The following PIK3CD variants were observed in gnomAD, a reference collection of about 807,000 sequenced individuals.
The protein encoded by PIK3CD is phosphatidylinositol-4,5-bisphosphate 3-kinase catalytic subunit delta.
A neutral mutation model predicts 122.9 loss-of-function variants in PIK3CD; 20 were observed. The observed-to-expected ratio is 0.16, with a 90% CI of 0.11 to 0.24. The LOEUF (loss-of-function observed/expected upper bound fraction) is 0.24, where lower values mean the gene tolerates loss of function less well. Ranked by LOEUF, PIK3CD falls within the 10% of genes least tolerant of loss-of-function variation. PIK3CD has a pLI of 1.00. For synonymous variants in PIK3CD, 596 were observed against 593.4 expected (o/e 1.00, Z -0.06); for missense variants, 787 against 1,406.3 (o/e 0.56, Z 7.04).
At chr1:9,632,357 A>G in the PIK3CD span, among the ~76,000 whole-genome samples, 2 of 151,976 alleles carry the variant, frequency 1.3e-5, no homozygotes, top group Non-Finnish European at 2.9e-5. Flanking sequence ...CTATGTTGCC[A>G]GGTTGGAGTG....
chr1:9,707,757 A>G (rs546540792), intron 2 of PIK3CD, among the ~76,000 whole-genome samples: 132 of 151,598 alleles, frequency 8.7e-4, no homozygotes, highest in African/African-American at 3.1e-3. Flanking sequence ...AACTAAAGCC[A>G]TGTGTGTATT....
chr1:9,642,573 C>T, the PIK3CD span, among the ~76,000 whole-genome samples: 12 of 150,976 alleles, frequency 7.9e-5, no homozygotes, highest in Admixed American at 4.0e-4. Flanking sequence ...AAAAATTAGC[C>T]GGGCGCAGTG....
chr1:9,657,957 G>A (rs2100778621), intron 1 of PIK3CD, among the ~76,000 whole-genome samples: 1 of 152,068 alleles, frequency 6.6e-6, no homozygotes, highest in South Asian at 2.1e-4. Context: ...AGGGCTCTCT[G>A]GAAGGGCTGG....
chr1:9,717,431 C>G lies in PIK3CD; in HGVS notation c.931-106C>G, dbSNP rs2100876016. On this transcript the variant is annotated intron_variant, in intron 7 of 23. Coordinates refer to ENST00000377346, the MANE Select transcript of PIK3CD (RefSeq NM_005026.5). This position sits in a 1 kb window ranked among gnomAD's most constrained non-coding sequence, Gnocchi z 5.4. ...GACAGGCCCAAACCTGGCCGCAAAC[C>G]TGTGACCCTCTCACCCGCCCCCAAG... 1 of 1,135,598 alleles carries G rather than the reference C, an allele frequency of 8.8e-7. No individual in the cohort carries two copies. Among genetic ancestry groups the G allele is most frequent in the Admixed American group, 1.7e-5 (1 of 57,638 alleles). 70.3% of individuals were successfully genotyped at this position (1,135,598 alleles called of 1,614,324 possible). A position where few individuals can be genotyped will look rare whatever the true frequency, so the allele number is the denominator to read the frequency against.
At position 9,718,864 on chromosome 1, in the gene PIK3CD, G is replaced by A. The variant is rs750726756; in HGVS notation, c.1191G>A (p.Val397=). The change falls in exon 9 of 24, where the codon GTG becomes GTA. Residue 397 remains valine (V), a synonymous_variant. Transcript: ENST00000377346. The surrounding 1 kb of genome is among the most constrained non-coding windows in gnomAD (Gnocchi z 7.2). ...MARLCFALYA[V]IEKAKKARST... ...GTCTCTGCTTTGCGCTGTACGCCGT[G>A]ATCGAGAAAGCCAAGAAGGCTCGCT... 6.2e-7 allele frequency: 1 copy of A among 1,613,160 alleles called. No individual in the cohort carries two copies. The highest frequency in any genetic ancestry group is 1.1e-5 in the South Asian group (1 of 91,082).
chr1:9,716,537 T>C lies in PIK3CD; in HGVS notation c.698T>C (p.Val233Ala), dbSNP rs1421176893. 6.2e-7 allele frequency: 1 copy of C among 1,609,122 alleles called. No individual in the cohort carries two copies. The highest frequency in any genetic ancestry group is 2.2e-5 in the East Asian group (1 of 44,780). ...GCCACAGTGTTCCGGCAGCCGCTGG[T>C]GGAGCAGCCGGAAGACTACACGCTG... ...KKATVFRQPL[V>A]EQPEDYTLQV... The change falls in exon 6 of 24, where the codon GTG (valine) becomes GCG (alanine). Residue 233 changes from valine to alanine, a missense_variant. Around this residue, in one of 6 missense-constraint regions of PIK3CD, gnomAD observed 592 missense variants for 920.6 expected, o/e 0.64. Transcript: ENST00000377346.
At chr1:9,678,447 C>T (rs1480993087) in intron 1 of PIK3CD, among the ~76,000 whole-genome samples, 2 of 152,110 alleles carry the variant, frequency 1.3e-5, no homozygotes, top group Non-Finnish European at 1.5e-5. Flanking sequence ...GAGCCAGACC[C>T]TGTCTCCAAA....
chr1:9,695,285 A>T (rs1335364242), intron 2 of PIK3CD, among the ~76,000 whole-genome samples: 1 of 152,084 alleles, frequency 6.6e-6, no homozygotes, highest in Non-Finnish European at 1.5e-5. Flanking sequence ...TGCACCACAT[A>T]GGAGCTCAAG....
Position 9,716,962 on chromosome 1 carries a change from A to C in PIK3CD, c.784A>C (p.Ile262Leu). The change falls in exon 7 of 24, where the codon ATC (isoleucine) becomes CTC (leucine). Residue 262 changes from isoleucine (I) to leucine (L), a missense_variant. Physicochemically the swap from Ile to Leu is conservative, Grantham distance 5 (BLOSUM62 2). Transcript: ENST00000377346. The stretch of plus-strand genomic sequence containing the variant: ...CTCACCCTGCACCCCGTCTCAGTAC[A>C]TCTGCAGCTGCCTGCACAGTGGGTT... ...GSYPLCQFQY[I>L]CSCLHSGLTP... 1 of 1,613,748 alleles carries C rather than the reference A, an allele frequency of 6.2e-7. No individual in the cohort carries two copies. Among genetic ancestry groups the C allele is most frequent in the Non-Finnish European group, 8.5e-7 (1 of 1,179,992 alleles).
chr1:9,653,496 T>C (rs1644741942), intron 1 of PIK3CD: 1 of 255,228 alleles, frequency 3.9e-6, no homozygotes, highest in African/African-American at 2.2e-5. Flanking sequence ...TGCCGTTGCT[T>C]GCGGGGGAAG....
At chr1:9,687,829 C>A (rs1557624947) in intron 1 of PIK3CD, among the ~76,000 whole-genome samples, 1 of 152,206 alleles carries the variant, frequency 6.6e-6, no homozygotes, top group African/African-American at 2.4e-5. Context: ...TGTGTGACTT[C>A]TAGGGACGGC....
the PIK3CD span, among the ~76,000 whole-genome samples, chr1:9,645,309 G>A: frequency 2.0e-5 from 3 of 151,992 alleles, no homozygotes; most frequent in South Asian, 4.2e-4. Context: ...GTGAGCCACC[G>A]CTTGCCCAGC....
chr1:9,657,562 T>C (rs7538174), intron 1 of PIK3CD, among the ~76,000 whole-genome samples: 47,331 of 151,586 alleles, frequency 0.31, 8,838 homozygotes, highest in East Asian at 0.68. Flanking sequence ...AGTCCCCACC[T>C]CACCCCCAAC....
intron 23 of PIK3CD, among the ~76,000 whole-genome samples, chr1:9,725,729 TAGTC>T (rs1416243642): frequency 1.3e-5 from 2 of 149,530 alleles, no homozygotes; most frequent in Admixed American, 6.7e-5. Context: ...ATACAAAAAT[TAGTC>T]AGGTGTGGTG....
intron 2 of PIK3CD, among the ~76,000 whole-genome samples, chr1:9,696,523 A>G (rs1422678272): frequency 6.6e-6 from 1 of 151,880 alleles, no homozygotes; most frequent in African/African-American, 2.4e-5. Flanking sequence ...AAGCTGAAGC[A>G]GGAGAATTGC....
At chr1:9,650,621 C>CA (rs549397983), upstream of PIK3CD, among the ~76,000 whole-genome samples, 86 of 141,520 alleles carry the variant, frequency 6.1e-4, no homozygotes, top group South Asian at 2.0e-3. Context: ...AAGACTGTCT[C>CA]AAAAAAAAGA....
chr1:9,678,865 G>T (rs763035812), intron 1 of PIK3CD, among the ~76,000 whole-genome samples: 2 of 152,124 alleles, frequency 1.3e-5, no homozygotes, highest in African/African-American at 4.8e-5. Context: ...GCCCCTTTCT[G>T]GGGCTTTCAG....
rs762697236 is a variant in PIK3CD at position 9,717,576 on chromosome 1, C to T, written c.970C>T (p.Arg324Cys). Residue 324 changes from arginine to cysteine, a missense_variant, in exon 8 of 24, where the codon CGC becomes TGC. Arg to Cys is a radical substitution (Grantham distance 180, BLOSUM62 -3). Coordinates refer to ENST00000377346, the MANE Select transcript of PIK3CD (RefSeq NM_005026.5). The surrounding 1 kb of genome is among the most constrained non-coding windows in gnomAD (Gnocchi z 5.4). ...CCTGTGGTCCCTGGAGCAGCCGTTCCGCATCGAGCTCATCCAGGGCAGCAA... is the reference window on the plus strand; with the variant it reads ...CCTGTGGTCCCTGGAGCAGCCGTTCTGCATCGAGCTCATCCAGGGCAGCAA... The part of the protein sequence containing the change: ...VSLWSLEQPF[R>C]IELIQGSKVN... 9.9e-6 allele frequency: 16 copies of T among 1,614,002 alleles called. No individual in the cohort carries two copies. The highest frequency in any genetic ancestry group is 1.6e-4 in the Middle Eastern group (1 of 6,084).
chr1:9,726,814 T>C, intron 23 of PIK3CD, 95 bp from the exon 24 acceptor site: 1 of 1,496,300 alleles, frequency 6.7e-7, no homozygotes, highest in South Asian at 1.2e-5. Context: ...CTACTAACCA[T>C]TTCATTCAGT....
Sources: allele counts gnomAD v4.1 joint callset (sites outside exome capture counted in the v4.1 genomes callset), GRCh38; gene constraint gnomAD v4.1.1; regional missense constraint gnomAD v4.1.1; non-coding constraint Gnocchi (gnomAD v3.1); transcripts MANE v1.5; gene names NCBI Gene and HGNC (gene_info 2026-07-23, HGNC 2026-07-21).